ATP8B1: variants seen among roughly 807,000 people sequenced by gnomAD.
ATP8B1 encodes ATPase phospholipid transporting 8B1.
Under a neutral mutation model 149.9 loss-of-function variants are expected in ATP8B1, and 80 were observed. That is an observed-to-expected ratio of 0.53 (90% CI 0.45 to 0.64). The LOEUF (loss-of-function observed/expected upper bound fraction) is 0.64. Among genes scored for constraint, ATP8B1 ranks in the 30% least tolerant of loss-of-function variants. The probability of loss-of-function intolerance (pLI) is 0.00; values close to 1 mark genes in which losing one functional copy is unlikely to be tolerated. For missense variants in ATP8B1, 1,247 were observed against 1,552.6 expected (o/e 0.80, Z 3.31); for synonymous variants, 536 against 562.8 (o/e 0.95, Z 0.67).
In ATP8B1 at chr18:57,652,374, G is replaced by A. The variant is rs1909678413; in HGVS notation, c.3261+110C>T. On this transcript the variant is annotated intron_variant, in intron 25 of 27. Transcript: ENST00000648908. ...GAGATGAAAATAGCATTTATATTTT[G>A]TAAGTGGCACAGGTGCAGTGGGAGT... is the stretch of plus-strand genomic sequence containing the variant. 9 of 1,511,870 alleles carry A rather than the reference G, an allele frequency of 6.0e-6. No individual in the cohort carries two copies. The Admixed American group carries it at 1.5e-4, about 26-fold the overall frequency. 93.7% of individuals were successfully genotyped at this position (1,511,870 alleles called of 1,614,324 possible). A position where few individuals can be genotyped will look rare whatever the true frequency, so the allele number is the denominator to read the frequency against.
chr18:57,755,833 C>G (rs368384816), intron 1 of ATP8B1, among the ~76,000 whole-genome samples: 1 of 152,280 alleles, frequency 6.6e-6, no homozygotes, highest in East Asian at 1.9e-4. Context: ...ATCCAATCCC[C>G]AGCCATAACA....
rs1301236712 is a variant in ATP8B1 at position 57,672,931 on chromosome 18, T to TATATATATAA, written c.1820-1352_1820-1351insTTATATATAT. On this transcript the variant is annotated intron_variant, in intron 16 of 27. Coordinates refer to ENST00000648908, the MANE Select transcript of ATP8B1 (RefSeq NM_001374385.1). ...ATATATATATATATATATATATATATAACATGTATATACACATATATACAT... is the reference window on the plus strand; with the variant it reads ...ATATATATATATATATATATATATATATATATATAAAACATGTATATACACATATATACAT... Among the ~76,000 whole-genome samples the TATATATATAA allele has an allele frequency of 1.7e-3, 55 of 33,162 alleles. 1 individual carries two copies. The highest frequency in any genetic ancestry group is 3.0e-3 in the Admixed American group (5 of 1,660). The allele number at this position is 33,162 out of a possible 152,430, so 21.8% of individuals were successfully genotyped here.
At chr18:57,674,374 C>T (rs1911455068) in intron 16 of ATP8B1, among the ~76,000 whole-genome samples, 1 of 141,600 alleles carries the variant, frequency 7.1e-6, no homozygotes, top group South Asian at 2.2e-4. Context: ...ATGAAGAAAA[C>T]AATACCAGTT....
chr18:57,797,706 T>TC (rs201892885), intron 1 of ATP8B1, among the ~76,000 whole-genome samples: 4,108 of 102,740 alleles, frequency 0.04, 49 homozygotes, highest in Non-Finnish European at 0.048. Flanking sequence ...TTTCTTTCTT[T>TC]TTTTTTTTTT....
chr18:57,714,105 A>G (rs981720215), intron 2 of ATP8B1, among the ~76,000 whole-genome samples: 2 of 152,170 alleles, frequency 1.3e-5, no homozygotes, highest in African/African-American at 4.8e-5. Context: ...AGCTGACTGA[A>G]GAGGCCATAG....
intron 1 of ATP8B1, among the ~76,000 whole-genome samples, chr18:57,754,303 TGGC>T (rs2080056231): frequency 6.6e-6 from 1 of 151,892 alleles, no homozygotes; most frequent in Non-Finnish European, 1.5e-5. Context: ...CCAGGCATGG[TGGC>T]ACATGCCTGT....
At chr18:57,778,657 C>G (rs1172809039) in intron 1 of ATP8B1, among the ~76,000 whole-genome samples, 1 of 152,232 alleles carries the variant, frequency 6.6e-6, no homozygotes, top group Non-Finnish European at 1.5e-5. Flanking sequence ...CACCTCCAAG[C>G]TCACTCACAG....
At chr18:57,672,932 A>C (rs1288152031) in intron 16 of ATP8B1, among the ~76,000 whole-genome samples, 1 of 32,100 alleles carries the variant, frequency 3.1e-5, no homozygotes, top group Non-Finnish European at 6.0e-5. Flanking sequence ...ATATATATAT[A>C]ACATGTATAT....
intron 20 of ATP8B1, among the ~76,000 whole-genome samples, chr18:57,665,624 C>T (rs2122682132): frequency 6.6e-6 from 1 of 152,128 alleles, no homozygotes; most frequent in South Asian, 2.1e-4. Flanking sequence ...ACTATCTTGG[C>T]TCACTGCAAC....
intron 1 of ATP8B1, among the ~76,000 whole-genome samples, chr18:57,799,382 CTTAAAGATTCAGATGATAAAAAG>C (rs1316508821): frequency 6.6e-6 from 1 of 152,144 alleles, no homozygotes; most frequent in Non-Finnish European, 1.5e-5. Flanking sequence ...CCAATATGGC[CTTAAAGATTCAGATGATAAAAAG>C]TTATCTGTTT....
intron 26 of ATP8B1, among the ~76,000 whole-genome samples, chr18:57,651,078 T>C: frequency 6.6e-6 from 1 of 152,150 alleles, no homozygotes; most frequent in East Asian, 1.9e-4. Flanking sequence ...GACATTGCAT[T>C]GATTAAAAAT....
At chr18:57,779,338 AAGG>A (rs1424434636) in intron 1 of ATP8B1, among the ~76,000 whole-genome samples, 1 of 151,812 alleles carries the variant, frequency 6.6e-6, no homozygotes, top group Non-Finnish European at 1.5e-5. Context: ...GAAGAAGAAG[AAGG>A]AGAAGGAGAA....
Position 57,784,490 on chromosome 18 carries a change from G to C in ATP8B1, c.-26+18508C>G, listed in dbSNP as rs2080388666. Among the ~76,000 whole-genome samples, 1 of 152,140 alleles carries C rather than the reference G, an allele frequency of 6.6e-6. No individual in the cohort carries two copies. Among genetic ancestry groups the C allele is most frequent in the Admixed American group, 6.5e-5 (1 of 15,270 alleles). ...AGGTCTTCCAGAGGTAGAAGCAACA[G>C]GCCTTGGAGACGGATTGGAAATGAA... is the stretch of plus-strand genomic sequence containing the variant. On this transcript the variant is annotated intron_variant, in intron 1 of 27. Transcript: ENST00000648908. This position sits in a 1 kb window ranked among gnomAD's most constrained non-coding sequence, Gnocchi z 4.4.
chr18:57,748,881 T>C (rs1263939430), intron 1 of ATP8B1, among the ~76,000 whole-genome samples: 1 of 152,234 alleles, frequency 6.6e-6, no homozygotes, highest in African/African-American at 2.4e-5. Context: ...GAACTGCAAC[T>C]GGTGTTTAAT....
intron 1 of ATP8B1, among the ~76,000 whole-genome samples, chr18:57,777,384 C>T (rs2080314584): frequency 6.6e-6 from 1 of 152,084 alleles, no homozygotes; most frequent in Non-Finnish European, 1.5e-5. Context: ...CTGAGACAGG[C>T]CATTGAAAGT....
intron 1 of ATP8B1, among the ~76,000 whole-genome samples, chr18:57,799,903 G>A (rs780476515): frequency 1.3e-5 from 2 of 151,992 alleles, no homozygotes; most frequent in Non-Finnish European, 2.9e-5. Flanking sequence ...ATGGGAATGG[G>A]GATTCAGGAG....
intron 1 of ATP8B1, among the ~76,000 whole-genome samples, chr18:57,801,665 T>C (rs1240776186): frequency 2.6e-5 from 4 of 152,202 alleles, no homozygotes; most frequent in Admixed American, 2.6e-4. Context: ...TGAAAGCAGT[T>C]AACCTTCATC....
intron 2 of ATP8B1, among the ~76,000 whole-genome samples, chr18:57,719,606 C>T (rs1266852014): frequency 6.6e-6 from 1 of 152,184 alleles, no homozygotes; most frequent in African/African-American, 2.4e-5. Context: ...CTCGGAGGGT[C>T]CTACGCCCAC....
intron 15 of ATP8B1, among the ~76,000 whole-genome samples, chr18:57,683,287 G>A (rs1193420555): frequency 1.3e-5 from 2 of 152,226 alleles, no homozygotes; most frequent in Non-Finnish European, 2.9e-5. Context: ...GGAATGAAGT[G>A]AAGGCAGACT....
Sources: allele counts gnomAD v4.1 joint callset (sites outside exome capture counted in the v4.1 genomes callset), GRCh38; gene constraint gnomAD v4.1.1; non-coding constraint Gnocchi (gnomAD v3.1); transcripts MANE v1.5; gene names NCBI Gene and HGNC (gene_info 2026-07-23, HGNC 2026-07-21).